The following HNRNPL variants were observed in gnomAD, a reference collection of about 807,000 sequenced individuals.
The protein encoded by HNRNPL is heterogeneous nuclear ribonucleoprotein L.
Under a neutral mutation model 64.0 loss-of-function variants are expected in HNRNPL, and 12 were observed. The ratio of observed to expected loss-of-function variants is 0.19; its 90% CI spans 0.12 to 0.30. The LOEUF (loss-of-function observed/expected upper bound fraction) is 0.30. HNRNPL is among the 10% of genes least tolerant of loss of function. HNRNPL has a pLI of 1.00. For missense variants in HNRNPL, 484 were observed against 797.4 expected (o/e 0.61, Z 4.73); for synonymous variants, 385 against 313.0 (o/e 1.23, Z -2.43).
intron 1 of HNRNPL, among the ~76,000 whole-genome samples, chr19:38,848,478 C>A (rs1972379018): frequency 6.6e-6 from 1 of 152,246 alleles, no homozygotes; most frequent in African/African-American, 2.4e-5. Context: ...CTTACACCCA[C>A]CGACAAAAGC....
intron 6 of HNRNPL, chr19:38,843,371 A>G (rs377727542): frequency 5.8e-4 from 101 of 175,038 alleles, no homozygotes; most frequent in African/African-American, 2.2e-3. Context: ...TCACCTCCAC[A>G]GGGTCAGCTT....
chr19:38,851,144 C>T (rs1418441623), upstream of HNRNPL: 2 of 152,568 alleles, frequency 1.3e-5, no homozygotes, highest in African/African-American at 2.4e-5. Context: ...TACCAAGCGC[C>T]CAGTACAGCA....
In HNRNPL at chr19:38,840,192, G is replaced by C; in HGVS notation, c.1137C>G (p.Ala379=). The stretch of plus-strand genomic sequence containing the variant: ...CATAGACCATGAGCACAGGGCTGTC[G>C]GCGTGAGGGCCATACTCGGGTGGTG... The part of the protein sequence containing the change: ...PPPPPEYGPH[A]DSPVLMVYGL... The change falls in exon 8 of 13, where the codon GCC becomes GCG. Residue 379 remains alanine, a synonymous_variant. Transcript: ENST00000221419. 1 of 1,601,928 alleles carries C rather than the reference G, an allele frequency of 6.2e-7. No individual in the cohort carries two copies. Among genetic ancestry groups the C allele is most frequent in the Non-Finnish European group, 8.5e-7 (1 of 1,171,448 alleles).
chr19:38,850,743 A>G (rs1219637425), upstream of HNRNPL, among the ~76,000 whole-genome samples: 2 of 152,202 alleles, frequency 1.3e-5, no homozygotes, highest in Non-Finnish European at 2.9e-5. Flanking sequence ...TACCGTGTTC[A>G]TTTCTACCTC....
chr19:38,845,524 G>A (rs1264886604), intron 4 of HNRNPL, 126 bp downstream of exon 4: 12 of 750,798 alleles, frequency 1.6e-5, no homozygotes, highest in South Asian at 1.1e-4. Flanking sequence ...TGGGCTCTGT[G>A]AAGGCATCTG....
At chr19:38,840,052 T>C (rs1485780456) in intron 8 of HNRNPL, 44 bp downstream of exon 8, 4 of 1,599,324 alleles carry the variant, frequency 2.5e-6, no homozygotes, top group Non-Finnish European at 3.4e-6. Context: ...ACTGGCAAGA[T>C]ACGAGGCTCA....
intron 4 of HNRNPL, among the ~76,000 whole-genome samples, chr19:38,844,356 G>T (rs1178567872): frequency 6.6e-6 from 1 of 152,142 alleles, no homozygotes. Context: ...ATGGCCACCA[G>T]CAACCTCTTC....
At chr19:38,836,895 G>A (rs1345301249) in intron 12 of HNRNPL, 115 bp from the exon 13 acceptor site, 20 of 698,812 alleles carry the variant, frequency 2.9e-5, no homozygotes, top group Non-Finnish European at 4.5e-5. Flanking sequence ...AGGGGTCTAA[G>A]GAGTGACTGC....
At chr19:38,849,611 G>C in intron 1 of HNRNPL, 89 bp downstream of exon 1, 2 of 1,285,852 alleles carry the variant, frequency 1.6e-6, no homozygotes, top group Non-Finnish European at 2.0e-6. Context: ...CGCGTGCGCA[G>C]AGGCCCCCCT....
In HNRNPL at chr19:38,838,938, G is replaced by A; in HGVS notation, c.1311C>T (p.Thr437=). ...CAAACATGAAGTTGTTGTTGAGGTG[G>A]GTAATGGCCCGGTCTACAGCGTAGC... ...ADGYAVDRAI[T]HLNNNFMFGQ... The change falls in exon 9 of 13, where the codon ACC becomes ACT. Residue 437 remains threonine, a synonymous_variant. Coordinates refer to ENST00000221419, the MANE Select transcript of HNRNPL (RefSeq NM_001533.3). The A allele has an allele frequency of 6.2e-7, 1 of 1,614,152 alleles. No homozygotes were observed. The highest frequency in any genetic ancestry group is 8.5e-7 in the Non-Finnish European group (1 of 1,180,040).
intron 8 of HNRNPL, chr19:38,839,434 C>T (rs1009771642): frequency 5.3e-6 from 1 of 187,768 alleles, no homozygotes; most frequent in Non-Finnish European, 1.1e-5. Context: ...GCTCTGAGTC[C>T]TGCTTCACAT....
rs772211840 is a variant in HNRNPL at position 38,843,830 on chromosome 19, C to T, written c.880+12G>A. 8 of 1,609,328 alleles carry T rather than the reference C, an allele frequency of 5.0e-6. No individual in the cohort carries two copies. Among genetic ancestry groups the T allele is most frequent in the Middle Eastern group, 1.7e-4 (1 of 6,060 alleles). On this transcript the variant is annotated intron_variant, in intron 6 of 12. Transcript: ENST00000221419. ...GCGGGTATGTTTAGAACAAAGTGGT[C>T]GTCAAGATTACCTTGTCCACTGAGA...
At position 38,841,150 on chromosome 19, in the gene HNRNPL, A is replaced by C. The variant is rs531612446; in HGVS notation, c.881-591T>G. ...AACAGCAGAATCAGTTCAAATAAGCAATCATGTACAAGGCATCGACATTCC... is the reference window on the plus strand; with the variant it reads ...AACAGCAGAATCAGTTCAAATAAGCCATCATGTACAAGGCATCGACATTCC... On this transcript the variant is annotated intron_variant, in intron 6 of 12. Transcript: ENST00000221419. 3.1e-5 allele frequency: 7 copies of C among 222,398 alleles called. No individual in the cohort carries two copies. In the East Asian group the frequency reaches 8.1e-4, roughly 26 times the overall value. 13.8% of individuals were successfully genotyped at this position (222,398 alleles called of 1,614,324 possible). A position where few individuals can be genotyped will look rare whatever the true frequency, so the allele number is the denominator to read the frequency against.
chr19:38,846,352 C>T (rs148561388), intron 2 of HNRNPL, among the ~76,000 whole-genome samples: 1,524 of 152,296 alleles, frequency 0.01, 29 homozygotes, highest in African/African-American at 0.035. Flanking sequence ...GCTTCTTGAG[C>T]TTACACTATG....
intron 8 of HNRNPL, 79 bp downstream of exon 8, chr19:38,840,017 T>C: frequency 7.3e-7 from 1 of 1,377,904 alleles, no homozygotes; most frequent in Non-Finnish European, 1.0e-6. Flanking sequence ...CACACCAGGC[T>C]CCCCCCTGGT....
At chr19:38,847,771 G>T in intron 1 of HNRNPL, 1 of 173,610 alleles carries the variant, frequency 5.8e-6, no homozygotes, top group Non-Finnish European at 1.2e-5. Context: ...AGGAAACATG[G>T]GAAAAGAGTA....
Position 38,836,387 on chromosome 19 carries a change from G to C in HNRNPL, c.*335C>G. The C allele has an allele frequency of 4.7e-6, 1 of 210,666 alleles. No homozygotes were observed. The highest frequency in any genetic ancestry group is 9.7e-6 in the Non-Finnish European group (1 of 103,002). 13.0% of individuals were successfully genotyped at this position (210,666 alleles called of 1,614,324 possible). On this transcript the variant is annotated 3_prime_UTR_variant, in exon 13 of 13. Transcript: ENST00000221419. Reference sequence around the variant, plus strand: ...AGCAGACATCCTGGAATCCCAGCAAGTGCTGTGTTTATTTTCCAAACAATT... The same window carrying C: ...AGCAGACATCCTGGAATCCCAGCAACTGCTGTGTTTATTTTCCAAACAATT...
upstream of HNRNPL, among the ~76,000 whole-genome samples, chr19:38,851,444 C>G (rs758436167): frequency 6.6e-6 from 1 of 152,214 alleles, no homozygotes; most frequent in Non-Finnish European, 1.5e-5. Flanking sequence ...GGGGGAACAC[C>G]TTAGCGAAGC....
At chr19:38,841,543 A>G (rs1600055782) in intron 6 of HNRNPL, 2 of 656,210 alleles carry the variant, frequency 3.0e-6, no homozygotes, top group East Asian at 1.3e-4. Flanking sequence ...ATGGAAAAGG[A>G]CTACTTACAG....
Sources: gnomAD v4.1 joint callset for allele counts (sites outside exome capture counted in the v4.1 genomes callset) on GRCh38, gnomAD v4.1.1 for gene constraint, MANE v1.5 for transcripts, NCBI Gene and HGNC (gene_info 2026-07-23, HGNC 2026-07-21) for gene names.